Variants in PCDHGA12 observed in about 807,000 individuals in gnomAD.
PCDHGA12 encodes protocadherin gamma subfamily A, 12.
A neutral mutation model predicts 61.1 loss-of-function variants in PCDHGA12; 43 were observed. That is an observed-to-expected ratio of 0.70 (90% CI 0.55 to 0.91). The LOEUF (loss-of-function observed/expected upper bound fraction) is 0.91, where lower values mean the gene tolerates loss of function less well. PCDHGA12 is among the 40% of genes least tolerant of loss of function. The probability of loss-of-function intolerance (pLI) is 0.00; values close to 1 mark genes in which losing one functional copy is unlikely to be tolerated. For missense variants in PCDHGA12, 1,236 were observed against 1,227.7 expected (o/e 1.01, Z -0.10); for synonymous variants, 520 against 542.9 (o/e 0.96, Z 0.59).
Position 141,486,416 on chromosome 5 carries a change from C to G in PCDHGA12, c.2425-8391C>G. The G allele has an allele frequency of 4.3e-6, 7 of 1,614,152 alleles. No homozygotes were observed. The highest frequency in any genetic ancestry group is 5.9e-6 in the Non-Finnish European group (7 of 1,180,016). On this transcript the variant is annotated intron_variant, in intron 1 of 3. Coordinates refer to ENST00000252085, the MANE Select transcript of PCDHGA12 (RefSeq NM_003735.3). The surrounding 1 kb of genome is among the most constrained non-coding windows in gnomAD (Gnocchi z 5.0). Reference sequence around the variant, plus strand: ...CCTGGTGACTGCTGGACCCTTGGATCGAGAGGCCAAATCTAGCTATGACAT... The same window carrying G: ...CCTGGTGACTGCTGGACCCTTGGATGGAGAGGCCAAATCTAGCTATGACAT...
chr5:141,488,095 A>G (rs78361634), intron 1 of PCDHGA12, among the ~76,000 whole-genome samples: 8,142 of 152,146 alleles, frequency 0.054, 446 homozygotes, highest in African/African-American at 0.15. Flanking sequence ...CTGTGAAGGG[A>G]CCTCTCTATT....
chr5:141,490,080 T>A lies in PCDHGA12; in HGVS notation c.2425-4727T>A, dbSNP rs2099695881. On this transcript the variant is annotated intron_variant, in intron 1 of 3. Coordinates refer to ENST00000252085, the MANE Select transcript of PCDHGA12 (RefSeq NM_003735.3). The surrounding 1 kb of genome is among the most constrained non-coding windows in gnomAD (Gnocchi z 5.4). ...GCACCAACGGCCAACTAGACTATTCTTTTGGAGACCACACATCTGAGGCAG... is the reference window on the plus strand; with the variant it reads ...GCACCAACGGCCAACTAGACTATTCATTTGGAGACCACACATCTGAGGCAG... The A allele has an allele frequency of 6.2e-7, 1 of 1,614,246 alleles. No homozygotes were observed. The highest frequency in any genetic ancestry group is 2.2e-5 in the East Asian group (1 of 44,884).
At position 141,487,700 on chromosome 5, in the gene PCDHGA12, C is replaced by A; in HGVS notation, c.2425-7107C>A. On this transcript the variant is annotated intron_variant, in intron 1 of 3. Coordinates refer to ENST00000252085, the MANE Select transcript of PCDHGA12 (RefSeq NM_003735.3). This position sits in a 1 kb window ranked among gnomAD's most constrained non-coding sequence, Gnocchi z 5.0. ...AGGCCATGTCCTAGAGAGTACTGGCCTCTCAGTAAGTGCCCATAGTGATGT... is the reference window on the plus strand; with the variant it reads ...AGGCCATGTCCTAGAGAGTACTGGCATCTCAGTAAGTGCCCATAGTGATGT... The A allele has an allele frequency of 6.3e-7, 1 of 1,597,514 alleles. No homozygotes were observed. Among genetic ancestry groups the A allele is most frequent in the African/African-American group, 1.3e-5 (1 of 74,868 alleles).
At position 141,477,290 on chromosome 5, in the gene PCDHGA12, C is replaced by T; in HGVS notation, c.2425-17517C>T. 5 of 1,614,158 alleles carry T rather than the reference C, an allele frequency of 3.1e-6. No individual in the cohort carries two copies. In the South Asian group the frequency reaches 5.5e-5, roughly 18 times the overall value. On this transcript the variant is annotated intron_variant, in intron 1 of 3. Coordinates refer to ENST00000252085, the MANE Select transcript of PCDHGA12 (RefSeq NM_003735.3). The surrounding 1 kb of genome is among the most constrained non-coding windows in gnomAD (Gnocchi z 4.9). ...GAACGGGCTGGTGACCTGCGAAGTT[C>T]CACCGGGTCTCCCTTTCAGCCTTAC...
intron 1 of PCDHGA12, chr5:141,478,743 A>G: frequency 6.5e-7 from 1 of 1,528,732 alleles, no homozygotes; most frequent in Non-Finnish European, 8.8e-7. Context: ...TTGTGGTCCC[A>G]TTTCAGGGGG....
At position 141,431,784 on chromosome 5, in the gene PCDHGA12, A is replaced by G; in HGVS notation, c.1025A>G (p.Asp342Gly). Residue 342 changes from aspartate (D) to glycine (G), a missense_variant, in exon 1 of 4, where the codon GAC (aspartate) becomes GGC (glycine). Coordinates refer to ENST00000252085, the MANE Select transcript of PCDHGA12 (RefSeq NM_003735.3). The surrounding 1 kb of genome is among the most constrained non-coding windows in gnomAD (Gnocchi z 4.8). ...CTGATCACTGTTCTGGACGTGAACG[A>G]CAATGCCCCAGAAGTGGTCCTCACC... The part of the protein sequence containing the change: ...KVLITVLDVN[D>G]NAPEVVLTSL... 1 of 1,614,220 alleles carries G rather than the reference A, an allele frequency of 6.2e-7. No individual in the cohort carries two copies. Among genetic ancestry groups the G allele is most frequent in the Non-Finnish European group, 8.5e-7 (1 of 1,180,022 alleles).
At chr5:141,494,514 G>T (rs1457018569) in intron 1 of PCDHGA12, among the ~76,000 whole-genome samples, 2 of 152,160 alleles carry the variant, frequency 1.3e-5, no homozygotes, top group South Asian at 2.1e-4. Context: ...TTTTGGCTCA[G>T]GAGTTCTGAC....
rs772807357 is a variant in PCDHGA12, at chr5:141,431,758, C to G, written c.999C>G (p.Val333=). Residue 333 remains valine, a synonymous_variant, in exon 1 of 4, where the codon GTC becomes GTG. Transcript: ENST00000252085. This position sits in a 1 kb window ranked among gnomAD's most constrained non-coding sequence, Gnocchi z 4.8. ...CAGGATATTCTGCGCGAGCCAAAGTCCTGATCACTGTTCTGGACGTGAACG... is the reference window on the plus strand; with the variant it reads ...CAGGATATTCTGCGCGAGCCAAAGTGCTGATCACTGTTCTGGACGTGAACG... ...DNAGYSARAK[V]LITVLDVNDN... 2.0e-5 allele frequency: 32 copies of G among 1,614,054 alleles called. No individual in the cohort carries two copies. The highest frequency in any genetic ancestry group is 2.6e-5 in the Non-Finnish European group (31 of 1,180,028).
chr5:141,457,111 G>A (rs922281700), intron 1 of PCDHGA12, among the ~76,000 whole-genome samples: 4 of 152,120 alleles, frequency 2.6e-5, no homozygotes, highest in South Asian at 2.1e-4. Flanking sequence ...AGCAAAATAC[G>A]ACAGCAATGG....
Position 141,485,465 on chromosome 5 carries a change from C to A in PCDHGA12, c.2425-9342C>A, listed in dbSNP as rs2099614061. 6.2e-7 allele frequency: 1 copy of A among 1,614,044 alleles called. No homozygotes were observed. Among genetic ancestry groups the A allele is most frequent in the African/African-American group, 1.3e-5 (1 of 74,918 alleles). ...AATCGACCGAGAGGCACTGTGTGGG[C>A]TCAGTGCCAGCTGCATCGTGCCCCT... On this transcript the variant is annotated intron_variant, in intron 1 of 3. Transcript: ENST00000252085. This position sits in a 1 kb window ranked among gnomAD's most constrained non-coding sequence, Gnocchi z 5.7.
At chr5:141,505,348 G>A (rs1414647950) in intron 2 of PCDHGA12, 45 bp from the exon 3 acceptor site, 1 of 1,613,358 alleles carries the variant, frequency 6.2e-7, no homozygotes, top group Admixed American at 1.7e-5. Context: ...GGCATGAGCT[G>A]TGCCGGCCTG....
At position 141,489,985 on chromosome 5, in the gene PCDHGA12, G is replaced by A. The variant is rs761481986; in HGVS notation, c.2425-4822G>A. ...AACCTTCCAATCCTCAGTTCTACGT[G>A]TGGGAATCCCAGAGAATGCACCCAT... On this transcript the variant is annotated intron_variant, in intron 1 of 3. Transcript: ENST00000252085. The surrounding 1 kb of genome is among the most constrained non-coding windows in gnomAD (Gnocchi z 4.5). The A allele has an allele frequency of 1.2e-6, 2 of 1,614,094 alleles. No homozygotes were observed. Among genetic ancestry groups the A allele is most frequent in the African/African-American group, 2.7e-5 (2 of 74,946 alleles).
chr5:141,431,178 TAA>T lies in PCDHGA12; in HGVS notation c.423_424del (p.Lys141AsnfsTer2). On this transcript the variant is annotated frameshift_variant, in exon 1 of 4. Transcript: ENST00000252085. LOFTEE classifies it high-confidence loss of function. This position sits in a 1 kb window ranked among gnomAD's most constrained non-coding sequence, Gnocchi z 4.8. ...TACTTTCGTGAAAGTGAATTAGAAA[TAA>T]AAATTAGTGAAAATGCAGCCACTGA... is the stretch of plus-strand genomic sequence containing the variant. 1 of 1,614,078 alleles carries T rather than the reference TAA, an allele frequency of 6.2e-7. No homozygotes were observed. Among genetic ancestry groups the T allele is most frequent in the Non-Finnish European group, 8.5e-7 (1 of 1,180,000 alleles).
At position 141,485,892 on chromosome 5, in the gene PCDHGA12, C is replaced by T; in HGVS notation, c.2425-8915C>T. On this transcript the variant is annotated intron_variant, in intron 1 of 3. Coordinates refer to ENST00000252085, the MANE Select transcript of PCDHGA12 (RefSeq NM_003735.3). The surrounding 1 kb of genome is among the most constrained non-coding windows in gnomAD (Gnocchi z 5.7). ...GTGCTGGACGTAAACGACAACGCCC[C>T]AGCCTTCCAGCAATCCAGCTACAGG... is the stretch of plus-strand genomic sequence containing the variant. 6.2e-7 allele frequency: 1 copy of T among 1,614,194 alleles called. No individual in the cohort carries two copies.
rs778054090 is a variant in PCDHGA12 at position 141,505,509 on chromosome 5, G to C, written c.2572+28G>C. On this transcript the variant is annotated intron_variant, in intron 3 of 3. Coordinates refer to ENST00000252085, the MANE Select transcript of PCDHGA12 (RefSeq NM_003735.3). ...AAGTGGTGTCAGTGTGTGTATGGAA[G>C]AGTGGGAGACCTGGGGTTCTGGGGT... The C allele has an allele frequency of 3.7e-6, 6 of 1,614,058 alleles. No homozygotes were observed. The East Asian group carries it at 1.1e-4, about 30-fold the overall frequency.
At chr5:141,466,763 C>T (rs960940073) in intron 1 of PCDHGA12, among the ~76,000 whole-genome samples, 31 of 152,272 alleles carry the variant, frequency 2.0e-4, no homozygotes, top group Middle Eastern at 6.8e-3. Context: ...TCTTTTCAAA[C>T]TGTTATCTTA....
intron 1 of PCDHGA12, among the ~76,000 whole-genome samples, chr5:141,455,045 C>G (rs1008259013): frequency 6.6e-6 from 1 of 151,798 alleles, no homozygotes; most frequent in Non-Finnish European, 1.5e-5. Context: ...ATCTCCTGAC[C>G]TCGTGATCCG....
At chr5:141,475,902 C>T (rs1296545944) in intron 1 of PCDHGA12, 1 of 576,594 alleles carries the variant, frequency 1.7e-6, no homozygotes, top group Non-Finnish European at 3.0e-6. Context: ...GTGCCGCTGT[C>T]GGCCAATGAA....
intron 1 of PCDHGA12, among the ~76,000 whole-genome samples, chr5:141,446,758 C>A (rs776925316): frequency 6.6e-6 from 1 of 152,326 alleles, no homozygotes; most frequent in Non-Finnish European, 1.5e-5. Flanking sequence ...TGAGCCACCG[C>A]GCCCAGCCGG....
Sources: allele counts gnomAD v4.1 joint callset (sites outside exome capture counted in the v4.1 genomes callset), GRCh38; gene constraint gnomAD v4.1.1; non-coding constraint Gnocchi (gnomAD v3.1); transcripts MANE v1.5; gene names NCBI Gene and HGNC (gene_info 2026-07-23, HGNC 2026-07-21).